The following ATG10 variants were observed in gnomAD, a reference collection of about 807,000 sequenced individuals.
ATG10 encodes the protein autophagy related 10, also known as ubiquitin-like-conjugating enzyme ATG10.
In ATG10, 30 loss-of-function variants were observed where a neutral mutation model predicts 32.1. The ratio of observed to expected loss-of-function variants is 0.94; its 90% confidence interval spans 0.70 to 1.27. The LOEUF is 1.27. Ranked by LOEUF, ATG10 falls within the 50% of genes most tolerant of loss-of-function variation. ATG10 has a pLI of 0.00. For missense variants in ATG10, 233 were observed against 262.3 expected (o/e 0.89, Z 0.77); for synonymous variants, 87 against 91.5 (o/e 0.95, Z 0.28).
chr5:82,112,202 A>G (rs923450312), intron 3 of ATG10, among the ~76,000 whole-genome samples: 10 of 151,964 alleles, frequency 6.6e-5, no homozygotes, highest in South Asian at 4.1e-4. Context: ...AGTCTCAGAA[A>G]GATGTCCACT....
At position 82,136,336 on chromosome 5, in the gene ATG10, T is replaced by C. The variant is rs550017822; in HGVS notation, c.217-28063T>C. Among the ~76,000 whole-genome samples, 4 of 152,328 alleles carry C rather than the reference T, an allele frequency of 2.6e-5. No individual in the cohort carries two copies. In the South Asian group the frequency reaches 8.3e-4, roughly 32 times the overall value. ...TTCATAGTGTCGACGGTCTTTACAA[T>C]TTGATATGTTTTTGCAGTGGCTGGT... On this transcript the variant is annotated intron_variant, in intron 3 of 7. Transcript: ENST00000282185.
chr5:82,219,059 TG>T (rs1282545320), intron 5 of ATG10, among the ~76,000 whole-genome samples: 3 of 152,276 alleles, frequency 2.0e-5, no homozygotes, highest in Non-Finnish European at 4.4e-5. Context: ...ACTTAAAAAT[TG>T]GGAGAAATTT....
At chr5:82,068,045 G>A (rs928250342) in intron 3 of ATG10, among the ~76,000 whole-genome samples, 22 of 152,242 alleles carry the variant, frequency 1.4e-4, no homozygotes, top group African/African-American at 5.1e-4. Context: ...TTGTTTCAGA[G>A]GAGGGCCATT....
intron 3 of ATG10, among the ~76,000 whole-genome samples, chr5:82,133,704 G>T (rs1293961592): frequency 6.6e-6 from 1 of 152,192 alleles, no homozygotes; most frequent in African/African-American, 2.4e-5. Context: ...TTGGCTATGA[G>T]GGCTCTTTTT....
chr5:82,243,714 G>C (rs935578861), intron 5 of ATG10, among the ~76,000 whole-genome samples: 2 of 152,018 alleles, frequency 1.3e-5, no homozygotes, highest in Admixed American at 6.6e-5. Flanking sequence ...ACTGTTATAG[G>C]GGAGATTTAA....
At chr5:81,992,229 G>GA (rs1331425484) in intron 2 of ATG10, 3 of 151,782 alleles carry the variant, frequency 2.0e-5, no homozygotes, top group Admixed American at 2.0e-4. Context: ...GGCTCAAGCT[G>GA]TCCTCCTACC....
intron 5 of ATG10, among the ~76,000 whole-genome samples, chr5:82,212,398 G>T (rs1463128270): frequency 6.6e-6 from 1 of 152,062 alleles, no homozygotes; most frequent in Non-Finnish European, 1.5e-5. Context: ...CTTGCCATAG[G>T]ATTCTTCCCA....
At chr5:82,051,972 A>T (rs1763444099) in intron 2 of ATG10, among the ~76,000 whole-genome samples, 1 of 152,162 alleles carries the variant, frequency 6.6e-6, no homozygotes, top group African/African-American at 2.4e-5. Flanking sequence ...GCAGCAAAGA[A>T]CAGTCACTTG....
At chr5:82,010,552 A>T (rs1473213638) in intron 2 of ATG10, among the ~76,000 whole-genome samples, 2 of 152,196 alleles carry the variant, frequency 1.3e-5, no homozygotes, top group Non-Finnish European at 2.9e-5. Flanking sequence ...CCATGATAGG[A>T]TAAAATAGCG....
At chr5:82,201,569 G>T (rs1435183401) in intron 5 of ATG10, among the ~76,000 whole-genome samples, 1 of 152,182 alleles carries the variant, frequency 6.6e-6, no homozygotes, top group Middle Eastern at 3.4e-3. Context: ...ATTAAATCTT[G>T]ATAAACCCTG....
At chr5:82,081,286 C>A (rs1319553367) in intron 3 of ATG10, among the ~76,000 whole-genome samples, 1 of 152,188 alleles carries the variant, frequency 6.6e-6, no homozygotes, top group Non-Finnish European at 1.5e-5. Flanking sequence ...TCTAAATATA[C>A]AATCATGTTA....
At chr5:81,984,588 A>G (rs1581566667) in intron 1 of ATG10, among the ~76,000 whole-genome samples, 1 of 152,166 alleles carries the variant, frequency 6.6e-6, no homozygotes, top group East Asian at 1.9e-4. Context: ...CATATCTAAG[A>G]TTTTTCATTT....
chr5:82,138,933 G>C (rs1178951574), intron 3 of ATG10, among the ~76,000 whole-genome samples: 2 of 135,002 alleles, frequency 1.5e-5, no homozygotes, highest in African/African-American at 5.5e-5. Context: ...CTGCCATCTC[G>C]GCTCACTGCA....
At position 82,015,341 on chromosome 5, in the gene ATG10, T is replaced by A. The variant is rs185402172; in HGVS notation, c.108+27663T>A. Among the ~76,000 whole-genome samples, 20 of 152,330 alleles carry A rather than the reference T, an allele frequency of 1.3e-4. No individual in the cohort carries two copies. The East Asian group carries it at 3.9e-3, about 29-fold the overall frequency. On this transcript the variant is annotated intron_variant, in intron 2 of 7. Transcript: ENST00000282185. ...CTTCTCGAGGAGTATCTTTGTGGCA[T>A]TCTCTGTATTTCCTGAATTTGAATA...
chr5:82,239,124 A>G (rs1053460242), intron 5 of ATG10, among the ~76,000 whole-genome samples: 1 of 152,170 alleles, frequency 6.6e-6, no homozygotes, highest in South Asian at 2.1e-4. Context: ...CAGATACTGA[A>G]GTTTTTATCT....
At chr5:82,032,333 A>G (rs1044011310) in intron 2 of ATG10, among the ~76,000 whole-genome samples, 3 of 152,052 alleles carry the variant, frequency 2.0e-5, no homozygotes, top group African/African-American at 7.2e-5. Flanking sequence ...ATTGTTATAT[A>G]TCTGTGTGTT....
At position 81,972,208 on chromosome 5, in the gene ATG10, G is replaced by C. The variant is rs1760741380; in HGVS notation, c.-111G>C. 1 of 152,428 alleles carries C rather than the reference G, an allele frequency of 6.6e-6. No individual in the cohort carries two copies. The highest frequency in any genetic ancestry group is 1.9e-4 in the East Asian group (1 of 5,166). 9.4% of individuals were successfully genotyped at this position (152,428 alleles called of 1,614,324 possible). On this transcript the variant is annotated 5_prime_UTR_variant, in exon 1 of 8. Coordinates refer to ENST00000282185, the MANE Select transcript of ATG10 (RefSeq NM_031482.5). ...GGGTCACCGGCGCGGCAGTGGCCTC[G>C]CAGGGCGCTGGGTCCCTCTCCCCAG...
At chr5:82,016,832 G>T (rs887428103) in intron 2 of ATG10, among the ~76,000 whole-genome samples, 8 of 152,100 alleles carry the variant, frequency 5.3e-5, no homozygotes, top group African/African-American at 1.9e-4. Context: ...GGGACTGTAG[G>T]CGCCTGCCAC....
chr5:82,059,588 T>G (rs1763704578), intron 3 of ATG10, among the ~76,000 whole-genome samples: 1 of 152,190 alleles, frequency 6.6e-6, no homozygotes, highest in African/African-American at 2.4e-5. Context: ...GAGGACCTAA[T>G]TATTTCAGCA....
Sources: gnomAD v4.1 joint callset for allele counts (sites outside exome capture counted in the v4.1 genomes callset) on GRCh38, gnomAD v4.1.1 for gene constraint, MANE v1.5 for transcripts, NCBI Gene and HGNC (gene_info 2026-07-23, HGNC 2026-07-21) for gene names.